The following OR7D2 variants were observed in gnomAD, a reference collection of about 807,000 sequenced individuals.
OR7D2 encodes olfactory receptor family 7 subfamily D member 2.
For synonymous variants in OR7D2, 158 were observed against 158.7 expected (o/e 1.00, Z 0.03); for missense variants, 370 against 384.1 (o/e 0.96, Z 0.31).
chr19:9,179,990 C>G (rs942204357), intron 1 of OR7D2, among the ~76,000 whole-genome samples: 2 of 134,858 alleles, frequency 1.5e-5, no homozygotes, highest in Non-Finnish European at 3.1e-5. Context: ...GCAACAAGAA[C>G]AAAACTCCGT....
At position 9,185,943 on chromosome 19, in the gene OR7D2, C is replaced by T; in HGVS notation, c.162C>T (p.His54=). ...LIILAISSDS[H]LHTPMYFFLS... is the part of the protein sequence containing the mutation. Reference sequence around the variant, plus strand: ...TCCTGGCCATCAGCTCTGACTCCCACCTCCACACCCCCATGTACTTCTTCC... The same window carrying T: ...TCCTGGCCATCAGCTCTGACTCCCATCTCCACACCCCCATGTACTTCTTCC... The change falls in exon 3 of 3, where the codon CAC becomes CAT. Residue 54 remains histidine (H), a synonymous_variant. Transcript: ENST00000641288. 3 of 1,614,154 alleles carry T rather than the reference C, an allele frequency of 1.9e-6. No individual in the cohort carries two copies. Among genetic ancestry groups the T allele is most frequent in the Non-Finnish European group, 2.5e-6 (3 of 1,180,010 alleles).
rs186946991 is a variant in OR7D2, at chr19:9,179,793, C to T, written c.-105+670C>T. Among the ~76,000 whole-genome samples the T allele has an allele frequency of 2.3e-3, 354 of 152,050 alleles. 1 individual carries two copies. Among genetic ancestry groups the T allele is most frequent in the African/African-American group, 8.1e-3 (335 of 41,476 alleles). On this transcript the variant is annotated intron_variant, in intron 1 of 2. Transcript: ENST00000641288. ...GGCCGAGGCGGGTGGATCACAAGGT[C>T]AAGAGATCGAGACCATCCTGGCCAA...
In OR7D2 at chr19:9,186,447, T is replaced by A. The variant is rs780311511; in HGVS notation, c.666T>A (p.Ala222=). ...TCATTTTCTCTTATTCACGAATTGC[T>A]TCATCCATAAGGAAGATGTCCTCAT... ...LGIIFSYSRI[A]SSIRKMSSSG... Residue 222 remains alanine, a synonymous_variant, in exon 3 of 3, where the codon GCT becomes GCA. Coordinates refer to ENST00000641288, the MANE Select transcript of OR7D2 (RefSeq NM_175883.4). 6.2e-7 allele frequency: 1 copy of A among 1,614,208 alleles called. No individual in the cohort carries two copies. The highest frequency in any genetic ancestry group is 1.7e-5 in the Admixed American group (1 of 60,008).
intron 2 of OR7D2, among the ~76,000 whole-genome samples, chr19:9,183,737 C>T (rs865974160): frequency 5.4e-5 from 8 of 149,432 alleles, no homozygotes; most frequent in African/African-American, 2.0e-4. Context: ...GCGGGCGGAT[C>T]ACGAGGTCAG....
intron 2 of OR7D2, among the ~76,000 whole-genome samples, chr19:9,184,706 T>C (rs2051017228): frequency 6.6e-6 from 1 of 152,188 alleles, no homozygotes; most frequent in Non-Finnish European, 1.5e-5. Flanking sequence ...TATGTATATG[T>C]ACATTTGTGT....
intron 2 of OR7D2, among the ~76,000 whole-genome samples, chr19:9,183,265 G>A (rs1226158320): frequency 6.6e-6 from 1 of 152,094 alleles, no homozygotes; most frequent in African/African-American, 2.4e-5. Context: ...TCTGTGACTG[G>A]TGGGAGATCC....
intron 1 of OR7D2, among the ~76,000 whole-genome samples, chr19:9,179,727 C>G (rs754623429): frequency 6.6e-6 from 1 of 151,928 alleles, no homozygotes; most frequent in East Asian, 1.9e-4. Context: ...AGTTCTCGGC[C>G]GGGTGCAGTG....
chr19:9,184,117 G>A (rs2051012623), intron 2 of OR7D2, among the ~76,000 whole-genome samples: 1 of 151,612 alleles, frequency 6.6e-6, no homozygotes, highest in Non-Finnish European at 1.5e-5. Flanking sequence ...ATAGAGGCCG[G>A]GTGTGGTGGC....
rs1221018737 is a variant in OR7D2 at position 9,186,210 on chromosome 19, C to T, written c.429C>T (p.Leu143=). ...TCATGAACCCCCACCTCTGTGGCCT[C>T]CTGGTTTTTGTCACCTGGCTCATTG... ...MIIMNPHLCG[L]LVFVTWLIGV... Residue 143 remains leucine, a synonymous_variant, in exon 3 of 3, where the codon CTC becomes CTT. Coordinates refer to ENST00000641288, the MANE Select transcript of OR7D2 (RefSeq NM_175883.4). 1 of 1,614,176 alleles carries T rather than the reference C, an allele frequency of 6.2e-7. No individual in the cohort carries two copies. The highest frequency in any genetic ancestry group is 2.2e-5 in the East Asian group (1 of 44,882).
At chr19:9,182,956 G>T in intron 2 of OR7D2, 6 of 455,482 alleles carry the variant, frequency 1.3e-5, no homozygotes, top group Admixed American at 2.6e-5. Flanking sequence ...GTTCTTTTTT[G>T]ACAATAAATT....
rs987730029 is a variant in OR7D2, at chr19:9,186,624, C to G, written c.843C>G (p.Val281=). Residue 281 remains valine, a synonymous_variant, in exon 3 of 3, where the codon GTC becomes GTG. Transcript: ENST00000641288. ...ISVASVMYTV[V]TPMLNPFIYS... ...TGGCCTCGGTGATGTACACTGTGGTCACCCCCATGTTGAACCCCTTCATCT... is the reference window on the plus strand; with the variant it reads ...TGGCCTCGGTGATGTACACTGTGGTGACCCCCATGTTGAACCCCTTCATCT... 4.3e-6 allele frequency: 7 copies of G among 1,614,078 alleles called. No homozygotes were observed. Among genetic ancestry groups the G allele is most frequent in the Non-Finnish European group, 5.9e-6 (7 of 1,180,022 alleles).
chr19:9,183,085 A>T lies in OR7D2; in HGVS notation c.-14+2297A>T, dbSNP rs368391528. On this transcript the variant is annotated intron_variant, in intron 2 of 2. Transcript: ENST00000641288. The stretch of plus-strand genomic sequence containing the variant: ...GAAATTCTACTTTGCTTCCCCAGGA[A>T]CTTTAGTAGTTTCTCGTCAGGCCCA... The T allele has an allele frequency of 7.7e-5, 23 of 298,836 alleles. 3 individuals carry two copies. The highest frequency in any genetic ancestry group is 1.6e-4 in the Admixed American group (4 of 25,720). 18.5% of individuals were successfully genotyped at this position (298,836 alleles called of 1,614,324 possible).
rs377629504 is a variant in OR7D2, at chr19:9,183,843, G to C, written c.-13-1926G>C. On this transcript the variant is annotated intron_variant, in intron 2 of 2. Coordinates refer to ENST00000641288, the MANE Select transcript of OR7D2 (RefSeq NM_175883.4). The stretch of plus-strand genomic sequence containing the variant: ...GAGGTGGCGGGCGCCTGTAGTCCCA[G>C]CTACTCGGGAGGCTGAGGCAGGAGA... Among the ~76,000 whole-genome samples, 920 of 149,052 alleles carry C rather than the reference G, an allele frequency of 6.2e-3. 7 individuals carry two copies. Among genetic ancestry groups the C allele is most frequent in the South Asian group, 8.2e-3 (38 of 4,646 alleles).
chr19:9,182,488 C>CTTTACTTA (rs2050996866), intron 2 of OR7D2: 4 of 226,830 alleles, frequency 1.8e-5, no homozygotes, highest in East Asian at 1.2e-4. Flanking sequence ...TACATGCATA[C>CTTTACTTA]TTTATTTATT....
At position 9,179,090 on chromosome 19, in the gene OR7D2, G is replaced by T. The variant is rs2145977289; in HGVS notation, c.-138G>T. 6.9e-6 allele frequency: 1 copy of T among 145,466 alleles called. No individual in the cohort carries two copies. Among genetic ancestry groups the T allele is most frequent in the African/African-American group, 2.6e-5 (1 of 38,638 alleles). The allele number at this position is 145,466 out of a possible 1,614,324, so 9.0% of individuals were successfully genotyped here. ...CAGCATTCAACAGTCAGGGGAGGAA[G>T]ACGTCATACCAGCATTTTTTTTTTT... On this transcript the variant is annotated 5_prime_UTR_variant, in exon 1 of 3. Transcript: ENST00000641288.
rs80092280 is a variant in OR7D2 at position 9,186,439 on chromosome 19, C to T, written c.658C>T (p.Arg220Ter). 2.1e-5 allele frequency: 34 copies of T among 1,614,116 alleles called. No homozygotes were observed. Among genetic ancestry groups the T allele is most frequent in the South Asian group, 1.9e-4 (17 of 91,086 alleles). ...CCTTGGGATCATTTTCTCTTATTCA[C>T]GAATTGCTTCATCCATAAGGAAGAT... The part of the protein sequence containing the change: ...PLLGIIFSYS[R>*]IASSIRKMSS... Residue 220 changes from arginine to a stop codon, truncating the protein, a stop_gained, in exon 3 of 3, where the codon CGA becomes TGA. Transcript: ENST00000641288. LOFTEE classifies it low-confidence loss of function (END_TRUNC).
chr19:9,183,332 T>A (rs1006157867), intron 2 of OR7D2, among the ~76,000 whole-genome samples: 27 of 152,260 alleles, frequency 1.8e-4, no homozygotes, highest in African/African-American at 6.5e-4. Flanking sequence ...TCAAGTTCAG[T>A]GTCACAATCT....
chr19:9,184,434 T>C (rs561911230), intron 2 of OR7D2, among the ~76,000 whole-genome samples: 1 of 151,330 alleles, frequency 6.6e-6, no homozygotes, highest in East Asian at 1.9e-4. Flanking sequence ...AAAAAGAAAT[T>C]AAAATTTTGA....
rs541639314 is a variant in OR7D2 at position 9,188,658 on chromosome 19, T to G, written c.*1938T>G. ...TTTGCTATAGCTTTGTTATCTCAAG[T>G]GGTGGCACAGAGTTCTTAAGCTATT... On this transcript the variant is annotated 3_prime_UTR_variant, in exon 3 of 3. Coordinates refer to ENST00000641288, the MANE Select transcript of OR7D2 (RefSeq NM_175883.4). The G allele has an allele frequency of 2.4e-5, 4 of 167,228 alleles. No individual in the cohort carries two copies. Among genetic ancestry groups the G allele is most frequent in the African/African-American group, 9.6e-5 (4 of 41,586 alleles). 10.4% of individuals were successfully genotyped at this position (167,228 alleles called of 1,614,324 possible). A position where few individuals can be genotyped will look rare whatever the true frequency, so the allele number is the denominator to read the frequency against.
Sources: allele counts gnomAD v4.1 joint callset (sites outside exome capture counted in the v4.1 genomes callset), GRCh38; gene constraint gnomAD v4.1.1; transcripts MANE v1.5; gene names NCBI Gene and HGNC (gene_info 2026-07-23, HGNC 2026-07-21).